The following TNPO1 variants were observed in gnomAD, a reference collection of about 807,000 sequenced individuals.
The protein encoded by TNPO1 is transportin-1.
In TNPO1, 8 loss-of-function variants were observed where a neutral mutation model predicts 119.5. That is an observed-to-expected ratio of 0.07 (90% CI 0.04 to 0.12). The LOEUF (loss-of-function observed/expected upper bound fraction) is 0.12. TNPO1 is among the 10% of genes least tolerant of loss of function. The pLI, the probability that TNPO1 is intolerant of heterozygous loss-of-function variation, is 1.00. For missense variants in TNPO1, 576 were observed against 1,089.8 expected, an observed-to-expected ratio of 0.53 and a Z score of 6.64; for synonymous variants, 362 against 363.0, an observed-to-expected ratio of 1.00 and a Z score of 0.03.
intron 8 of TNPO1, 147 bp downstream of exon 8, chr5:72,875,884 AT>A: frequency 4.0e-6 from 4 of 997,482 alleles, no homozygotes; most frequent in Non-Finnish European, 5.6e-6. Flanking sequence ...GGAGTTTTGT[AT>A]TTCTGGGTAT....
At chr5:72,903,627 T>TA in intron 22 of TNPO1, 82 bp from the exon 23 acceptor site, 1 of 867,044 alleles carries the variant, frequency 1.2e-6, no homozygotes, top group Non-Finnish European at 1.8e-6. Flanking sequence ...TATTGTGACA[T>TA]AAACTCTGAG....
At chr5:72,841,461 C>G (rs1021267244) in intron 1 of TNPO1, among the ~76,000 whole-genome samples, 1 of 151,620 alleles carries the variant, frequency 6.6e-6, no homozygotes, top group African/African-American at 2.4e-5. Context: ...AAGCAATTCT[C>G]ATGCCTCAGC....
At chr5:72,893,022 A>G (rs947575762) in intron 15 of TNPO1, 117 bp from the exon 16 acceptor site, 6 of 734,098 alleles carry the variant, frequency 8.2e-6, no homozygotes, top group Non-Finnish European at 1.4e-5. Context: ...CTGCTACTGT[A>G]GAAACTAGTA....
chr5:72,888,297 C>T lies in TNPO1; in HGVS notation c.1523C>T (p.Ala508Val), dbSNP rs1286631198. 2 of 1,613,420 alleles carry T rather than the reference C, an allele frequency of 1.2e-6. No individual in the cohort carries two copies. Among genetic ancestry groups the T allele is most frequent in the Non-Finnish European group, 1.7e-6 (2 of 1,179,536 alleles). The change falls in exon 13 of 25, where the codon GCC becomes GTC. Residue 508 changes from alanine (A) to valine (V), a missense_variant. Ala to Val is a moderately conservative substitution (Grantham distance 64). Transcript: ENST00000337273. ...LDSNKRVQEAACSAFATLEEE... is the reference protein window; with the variant it reads ...LDSNKRVQEAVCSAFATLEEE... ...AGCAACAAGAGAGTACAAGAAGCTGCCTGCAGGTGGGACAGATTCATAACA... is the reference window on the plus strand; with the variant it reads ...AGCAACAAGAGAGTACAAGAAGCTGTCTGCAGGTGGGACAGATTCATAACA...
Position 72,900,971 on chromosome 5 carries a change from T to C in TNPO1, c.2415-3T>C, listed in dbSNP as rs759658425. 2 of 1,599,668 alleles carry C rather than the reference T, an allele frequency of 1.3e-6. No individual in the cohort carries two copies. The highest frequency in any genetic ancestry group is 1.7e-5 in the Admixed American group (1 of 58,202). Reference sequence around the variant, plus strand: ...TGCTAAACTCAATTCTGTAATTCAATAGGTGCACCTCTCTGAGAAACATAA... The same window carrying C: ...TGCTAAACTCAATTCTGTAATTCAACAGGTGCACCTCTCTGAGAAACATAA... On this transcript the variant is annotated splice_polypyrimidine_tract_variant and splice_region_variant and intron_variant, in intron 21 of 24. Transcript: ENST00000337273.
chr5:72,906,848 T>C (rs1043130414), intron 24 of TNPO1, among the ~76,000 whole-genome samples: 1 of 152,174 alleles, frequency 6.6e-6, no homozygotes, highest in Non-Finnish European at 1.5e-5. Context: ...ACAATAAATA[T>C]CAGGGTTTTG....
chr5:72,889,215 G>A (rs1264015760), intron 13 of TNPO1, among the ~76,000 whole-genome samples: 1 of 152,064 alleles, frequency 6.6e-6, no homozygotes, highest in Admixed American at 6.6e-5. Flanking sequence ...GCGACACCAT[G>A]CCCAGCTAAT....
chr5:72,859,936 T>C (rs1746297181), intron 4 of TNPO1, among the ~76,000 whole-genome samples: 1 of 152,220 alleles, frequency 6.6e-6, no homozygotes, highest in Non-Finnish European at 1.5e-5. Context: ...TATTTTAACT[T>C]TAGGAAAGAC....
chr5:72,859,214 A>G (rs1746243568), intron 4 of TNPO1, among the ~76,000 whole-genome samples: 1 of 152,080 alleles, frequency 6.6e-6, no homozygotes. Context: ...GAGTTTTCCA[A>G]CCTCAGCACT....
At chr5:72,847,261 A>G (rs1580384291) in intron 1 of TNPO1, among the ~76,000 whole-genome samples, 2 of 152,128 alleles carry the variant, frequency 1.3e-5, no homozygotes, top group Admixed American at 6.5e-5. Context: ...CATGTTAAAA[A>G]TCCTCTCCTT....
intron 1 of TNPO1, among the ~76,000 whole-genome samples, chr5:72,836,506 C>A (rs1241314209): frequency 1.3e-5 from 2 of 152,184 alleles, no homozygotes; most frequent in African/African-American, 4.8e-5. Flanking sequence ...TGAAATCATT[C>A]TGTTCCCAAG....
intron 18 of TNPO1, among the ~76,000 whole-genome samples, chr5:72,894,789 C>G (rs1313705458): frequency 6.6e-6 from 1 of 152,148 alleles, no homozygotes; most frequent in African/African-American, 2.4e-5. Flanking sequence ...ACATAATTAA[C>G]ATTAATTATG....
chr5:72,848,038 G>A lies in TNPO1; in HGVS notation c.16-347G>A, dbSNP rs190471244. On this transcript the variant is annotated intron_variant, in intron 1 of 24. Transcript: ENST00000337273. Reference sequence around the variant, plus strand: ...GTAATCTGGACGGAATTAGAGATGGGTTGGGTTGGAGAAAACTGCGTGGCA... The same window carrying A: ...GTAATCTGGACGGAATTAGAGATGGATTGGGTTGGAGAAAACTGCGTGGCA... 9.6e-6 allele frequency: 10 copies of A among 1,039,398 alleles called. No individual in the cohort carries two copies. The Admixed American group carries it at 5.4e-4, about 56-fold the overall frequency. 64.4% of individuals were successfully genotyped at this position (1,039,398 alleles called of 1,614,324 possible).
rs1313167717 is a variant in TNPO1 at position 72,913,366 on chromosome 5, A to T, written c.*4693A>T. On this transcript the variant is annotated 3_prime_UTR_variant, in exon 25 of 25. Coordinates refer to ENST00000337273, the MANE Select transcript of TNPO1 (RefSeq NM_002270.4). ...ATAATTCTTTATGCCTAGTTATTAT[A>T]CATATTAATTTTTAAGGTATACATT... is the stretch of plus-strand genomic sequence containing the variant. The T allele has an allele frequency of 6.6e-6, 1 of 152,364 alleles. No individual in the cohort carries two copies. The highest frequency in any genetic ancestry group is 1.5e-5 in the Non-Finnish European group (1 of 67,924). 9.4% of individuals were successfully genotyped at this position (152,364 alleles called of 1,614,324 possible).
chr5:72,893,301 A>G (rs1276513482), intron 16 of TNPO1, 55 bp downstream of exon 16: 1 of 1,604,668 alleles, frequency 6.2e-7, no homozygotes, highest in East Asian at 2.2e-5. Context: ...TTTTCTAAAG[A>G]TAGGTATAAT....
chr5:72,902,869 T>C (rs1278259676), intron 22 of TNPO1, among the ~76,000 whole-genome samples: 1 of 152,172 alleles, frequency 6.6e-6, no homozygotes, highest in Non-Finnish European at 1.5e-5. Flanking sequence ...AAGACATAAT[T>C]TGAATAAATT....
chr5:72,869,730 T>C (rs901271103), intron 6 of TNPO1, among the ~76,000 whole-genome samples: 7 of 152,212 alleles, frequency 4.6e-5, no homozygotes, highest in African/African-American at 1.4e-4. Context: ...GAATATTTTC[T>C]TATAATCTAT....
chr5:72,873,916 G>A (rs1248204137), intron 7 of TNPO1, among the ~76,000 whole-genome samples: 1 of 152,032 alleles, frequency 6.6e-6, no homozygotes, highest in Non-Finnish European at 1.5e-5. Flanking sequence ...ATTAATAGTA[G>A]TATTTCTGTT....
At chr5:72,862,668 CAG>C (rs1746545919) in intron 5 of TNPO1, among the ~76,000 whole-genome samples, 1 of 151,720 alleles carries the variant, frequency 6.6e-6, no homozygotes, top group South Asian at 2.1e-4. Flanking sequence ...TTGTTTCAAA[CAG>C]GGTCTCGCTC....
Sources: gnomAD v4.1 joint callset for allele counts (sites outside exome capture counted in the v4.1 genomes callset) on GRCh38, gnomAD v4.1.1 for gene constraint, MANE v1.5 for transcripts, NCBI Gene and HGNC (gene_info 2026-07-23, HGNC 2026-07-21) for gene names.